Variants in CNTN4 observed in about 807,000 individuals in gnomAD.
The protein encoded by CNTN4 is contactin-4.
Under a neutral mutation model 122.5 loss-of-function variants are expected in CNTN4, and 77 were observed. The ratio of observed to expected loss-of-function variants is 0.63; its 90% CI spans 0.52 to 0.76. CNTN4 has a LOEUF of 0.76. CNTN4 is among the 30% of genes least tolerant of loss of function. The probability of loss-of-function intolerance (pLI) is 0.00; values close to 1 mark genes in which losing one functional copy is unlikely to be tolerated. For synonymous variants in CNTN4, 512 were observed against 447.0 expected (o/e 1.15, Z -1.83); for missense variants, 1,256 against 1,259.1 (o/e 1.00, Z 0.04).
chr3:2,448,887 A>G (rs1166009856), intron 3 of CNTN4, among the ~76,000 whole-genome samples: 3 of 152,158 alleles, frequency 2.0e-5, no homozygotes, highest in Admixed American at 6.5e-5. Context: ...GAGGTACCAT[A>G]TCAATATGAG....
intron 2 of CNTN4, among the ~76,000 whole-genome samples, chr3:2,108,674 C>A (rs1297138741): frequency 1.3e-5 from 2 of 152,172 alleles, no homozygotes; most frequent in African/African-American, 4.8e-5. Context: ...ACAGTTTCAT[C>A]ATCTGTGTAG....
At chr3:2,355,617 C>A (rs1428368427) in intron 3 of CNTN4, among the ~76,000 whole-genome samples, 1 of 152,188 alleles carries the variant, frequency 6.6e-6, no homozygotes, top group African/African-American at 2.4e-5. Flanking sequence ...CCTCCAACCC[C>A]TGAAGGTATT....
intron 10 of CNTN4, among the ~76,000 whole-genome samples, chr3:2,892,024 G>T (rs528671470): frequency 3.9e-5 from 6 of 152,138 alleles, no homozygotes; most frequent in Non-Finnish European, 7.4e-5. Context: ...AATAGGATAT[G>T]CTCATTTCAT....
At chr3:2,746,928 A>G (rs933916440) in intron 6 of CNTN4, among the ~76,000 whole-genome samples, 1 of 152,184 alleles carries the variant, frequency 6.6e-6, no homozygotes, top group African/African-American at 2.4e-5. Context: ...TCTTGTATCT[A>G]TATTGATTTT....
chr3:2,510,266 T>G (rs1344637896), intron 3 of CNTN4, among the ~76,000 whole-genome samples: 2 of 152,176 alleles, frequency 1.3e-5, no homozygotes, highest in African/African-American at 4.8e-5. Context: ...AGGACAAGAA[T>G]AGAATGTCAC....
rs77283995 is a variant in CNTN4, at chr3:2,873,818, C to T, written c.652+6869C>T. Among the ~76,000 whole-genome samples the T allele has an allele frequency of 2.1e-3, 313 of 152,300 alleles. 2 individuals are homozygous for T. Among genetic ancestry groups the T allele is most frequent in the African/African-American group, 7.3e-3 (305 of 41,550 alleles). On this transcript the variant is annotated intron_variant, in intron 8 of 24. Coordinates refer to ENST00000418658, the MANE Select transcript of CNTN4 (RefSeq NM_175607.3). ...CTTTATTGAAGACCTGGCATTTAGACAGGCAACAGGTAGAGATATGCCTTC... is the reference window on the plus strand; with the variant it reads ...CTTTATTGAAGACCTGGCATTTAGATAGGCAACAGGTAGAGATATGCCTTC...
At chr3:2,951,362 C>G (rs928290734) in intron 13 of CNTN4, among the ~76,000 whole-genome samples, 6 of 152,248 alleles carry the variant, frequency 3.9e-5, no homozygotes, top group African/African-American at 1.4e-4. Flanking sequence ...ATGCACAGTT[C>G]ACAATAGGGT....
chr3:2,614,760 C>G lies in CNTN4; in HGVS notation c.55+43202C>G, dbSNP rs2081641987. 2.6e-5 allele frequency among the ~76,000 whole-genome samples: 4 copies of G among 152,054 alleles called. No homozygotes were observed. In the South Asian group the frequency reaches 8.3e-4, roughly 32 times the overall value. ...GAAATAGAGATGCCTGTCAGACATC[C>G]TTGTAGAGATGCCAGATAAACAGTT... On this transcript the variant is annotated intron_variant, in intron 4 of 24. Transcript: ENST00000418658.
chr3:2,203,929 C>G (rs1299529995), intron 2 of CNTN4, among the ~76,000 whole-genome samples: 2 of 152,108 alleles, frequency 1.3e-5, no homozygotes, highest in Non-Finnish European at 2.9e-5. Context: ...AAGTTGCTTA[C>G]TGCATATTTC....
At chr3:2,447,275 T>A (rs965375925) in intron 3 of CNTN4, among the ~76,000 whole-genome samples, 1 of 152,178 alleles carries the variant, frequency 6.6e-6, no homozygotes, top group Non-Finnish European at 1.5e-5. Context: ...TCCAAGTACA[T>A]GCCTGTTGTG....
intron 3 of CNTN4, among the ~76,000 whole-genome samples, chr3:2,395,718 G>A (rs1242390229): frequency 6.6e-6 from 1 of 152,092 alleles, no homozygotes; most frequent in Non-Finnish European, 1.5e-5. Flanking sequence ...TTCTGTTCCT[G>A]AGTTAATTTG....
intron 13 of CNTN4, among the ~76,000 whole-genome samples, chr3:2,935,374 A>G (rs990869061): frequency 3.3e-5 from 5 of 152,186 alleles, no homozygotes; most frequent in Admixed American, 2.6e-4. Flanking sequence ...CTCACATATT[A>G]ATCCCTTCCT....
At chr3:2,643,519 A>C (rs947402504) in intron 4 of CNTN4, among the ~76,000 whole-genome samples, 2 of 152,176 alleles carry the variant, frequency 1.3e-5, no homozygotes, top group Non-Finnish European at 1.5e-5. Flanking sequence ...ACTTGTGTGC[A>C]TGTCCATCTT....
chr3:2,501,295 G>A (rs1167897025), intron 3 of CNTN4, among the ~76,000 whole-genome samples: 2 of 152,136 alleles, frequency 1.3e-5, no homozygotes, highest in African/African-American at 2.4e-5. Flanking sequence ...GTGTAAATTT[G>A]GGCTTTATAT....
intron 3 of CNTN4, among the ~76,000 whole-genome samples, chr3:2,340,299 G>C (rs1347541173): frequency 1.3e-5 from 2 of 151,926 alleles, no homozygotes; most frequent in African/African-American, 4.8e-5. Context: ...GTGGAGGAAG[G>C]TCTCATTCCA....
chr3:2,647,940 TA>T (rs1276588787), intron 4 of CNTN4, among the ~76,000 whole-genome samples: 7 of 152,244 alleles, frequency 4.6e-5, no homozygotes, highest in African/African-American at 1.7e-4. Flanking sequence ...CAATTAGATA[TA>T]AGTTTCTTTC....
chr3:2,169,686 C>A (rs1052600129), intron 2 of CNTN4, among the ~76,000 whole-genome samples: 3 of 152,082 alleles, frequency 2.0e-5, no homozygotes, highest in Admixed American at 6.5e-5. Context: ...CGTGAGCCAC[C>A]GCGCCCGGCC....
rs562615157 is a variant in CNTN4 at position 2,618,266 on chromosome 3, A to G, written c.55+46708A>G. Among the ~76,000 whole-genome samples, 13 of 152,142 alleles carry G rather than the reference A, an allele frequency of 8.5e-5. 1 individual carries two copies. In the South Asian group the frequency reaches 2.1e-3, roughly 24 times the overall value. ...GGGTATATATATATATGGAATATGCATGTATATGTGTATAAATAATATATG... is the reference window on the plus strand; with the variant it reads ...GGGTATATATATATATGGAATATGCGTGTATATGTGTATAAATAATATATG... On this transcript the variant is annotated intron_variant, in intron 4 of 24. Transcript: ENST00000418658.
intron 4 of CNTN4, among the ~76,000 whole-genome samples, chr3:2,621,960 C>G (rs1251647060): frequency 2.0e-5 from 3 of 152,154 alleles, no homozygotes; most frequent in African/African-American, 7.2e-5. Flanking sequence ...GATATCCAGA[C>G]TCGGTGTGCT....
Sources: gnomAD v4.1 joint callset for allele counts (sites outside exome capture counted in the v4.1 genomes callset) on GRCh38, gnomAD v4.1.1 for gene constraint, MANE v1.5 for transcripts, NCBI Gene and HGNC (gene_info 2026-07-23, HGNC 2026-07-21) for gene names.